Variants in RPL35A observed in about 807,000 individuals in gnomAD.
RPL35A encodes the protein ribosomal protein L35a.
In RPL35A, 1 loss-of-function variant was observed where a neutral mutation model predicts 16.7. That is an observed-to-expected ratio of 0.06 (90% CI 0.02 to 0.28). RPL35A has a LOEUF of 0.28. Among genes scored for constraint, RPL35A ranks in the 10% least tolerant of loss-of-function variants. The pLI is 1.00. For missense variants in RPL35A, 91 were observed against 138.7 expected (o/e 0.66, Z 1.73); for synonymous variants, 58 against 47.0 (o/e 1.23, Z -0.96).
intron 4 of RPL35A, 154 bp downstream of exon 4, chr3:197,954,301 ATTGAAAGAAT>A: frequency 1.3e-6 from 1 of 766,824 alleles, no homozygotes; most frequent in Non-Finnish European, 2.3e-6. Context: ...AGAGATAGTA[ATTGAAAGAAT>A]TAGGTGTTTG....
Position 197,951,178 on chromosome 3 carries a change from T to C in RPL35A, c.31T>C (p.Phe11Leu), listed in dbSNP as rs1720045334. Residue 11 changes from phenylalanine (F) to leucine (L), a missense_variant, in exon 3 of 5, where the codon TTT becomes CTT. By Grantham distance (22) the Phe-to-Leu change is conservative (BLOSUM62 0). Coordinates refer to ENST00000647248, the MANE Select transcript of RPL35A (RefSeq NM_000996.4). The stretch of plus-strand genomic sequence containing the variant: ...TCTTAGGCTGTGGTCCAAGGCCATT[T>C]TTGCTGGCTATAAGCGGGGTCTCCG... The part of the protein sequence containing the change: MSGRLWSKAI[F>L]AGYKRGLRNQ... 2 of 1,614,100 alleles carry C rather than the reference T, an allele frequency of 1.2e-6. No homozygotes were observed. The highest frequency in any genetic ancestry group is 1.7e-6 in the Non-Finnish European group (2 of 1,180,048).
Position 197,955,869 on chromosome 3 carries a change from T to G in RPL35A, c.*96T>G, listed in dbSNP as rs1302671492. The G allele has an allele frequency of 5.7e-6, 6 of 1,053,408 alleles. No homozygotes were observed. The Admixed American group carries it at 8.5e-5, about 15-fold the overall frequency. 65.3% of individuals were successfully genotyped at this position (1,053,408 alleles called of 1,614,324 possible). A position where few individuals can be genotyped will look rare whatever the true frequency, so the allele number is the denominator to read the frequency against. ...ACCTTAAATTGATTTGCTACATGCT[T>G]AAAATGATAGAGGTTGCTCAGCATT... On this transcript the variant is annotated 3_prime_UTR_variant, in exon 5 of 5. Coordinates refer to ENST00000647248, the MANE Select transcript of RPL35A (RefSeq NM_000996.4).
Position 197,956,609 on chromosome 3 carries a change from C to T in RPL35A, c.*836C>T, listed in dbSNP as rs1451935073. 1 of 147,142 alleles carries T rather than the reference C, an allele frequency of 6.8e-6. No homozygotes were observed. The highest frequency in any genetic ancestry group is 1.5e-5 in the Non-Finnish European group (1 of 67,060). The allele number at this position is 147,142 out of a possible 1,614,324, so 9.1% of individuals were successfully genotyped here. On this transcript the variant is annotated 3_prime_UTR_variant, in exon 5 of 5. Coordinates refer to ENST00000647248, the MANE Select transcript of RPL35A (RefSeq NM_000996.4). The stretch of plus-strand genomic sequence containing the variant: ...TGCTAAAATAAAACAACTAAGGCAT[C>T]AGTTTTGCTGTATGGTTTTTTTTTT...
intron 4 of RPL35A, 189 bp downstream of exon 4, chr3:197,954,336 G>GTTT: frequency 1.2e-5 from 7 of 560,070 alleles, no homozygotes; most frequent in East Asian, 3.3e-5. Flanking sequence ...TTTGTTTTTT[G>GTTT]TTTTTTTTTT....
chr3:197,950,783 G>A, intron 1 of RPL35A, 153 bp from the exon 2 acceptor site: 1 of 664,094 alleles, frequency 1.5e-6, no homozygotes, highest in Non-Finnish European at 2.6e-6. Flanking sequence ...GCCGGACCCT[G>A]CGTTTCATAT....
At chr3:197,953,981 T>C (rs376435514) in intron 3 of RPL35A, 22 bp from the exon 4 acceptor site, 35 of 1,611,800 alleles carry the variant, frequency 2.2e-5, no homozygotes, top group Non-Finnish European at 1.6e-5. Context: ...TGTATTCCTC[T>C]TCTTTCCCTT....
rs2109819657 is a variant in RPL35A, at chr3:197,955,991, CAG to C, written c.*221_*222del. On this transcript the variant is annotated 3_prime_UTR_variant, in exon 5 of 5. Transcript: ENST00000647248. Reference sequence around the variant, plus strand: ...CGGGTTTTAATGCGAGTATCTTTGACAGAGTCTTGCTCTGTTGCCCATGCTGG... The same window carrying C: ...CGGGTTTTAATGCGAGTATCTTTGACAGTCTTGCTCTGTTGCCCATGCTGG... 2 of 548,902 alleles carry C rather than the reference CAG, an allele frequency of 3.6e-6. No individual in the cohort carries two copies. The highest frequency in any genetic ancestry group is 2.9e-5 in the Admixed American group (1 of 34,350). 34.0% of individuals were successfully genotyped at this position (548,902 alleles called of 1,614,324 possible).
intron 3 of RPL35A, chr3:197,952,538 A>C (rs1426471894): frequency 6.6e-6 from 1 of 151,678 alleles, no homozygotes; most frequent in African/African-American, 2.4e-5. Context: ...CTTGTTATCC[A>C]GGCTAAAGTG....
intron 2 of RPL35A, 85 bp downstream of exon 2, chr3:197,951,063 G>C: frequency 1.2e-6 from 2 of 1,603,234 alleles, no homozygotes; most frequent in South Asian, 1.1e-5. Context: ...AAAAAACTTA[G>C]ATGTTTGCTC....
intron 4 of RPL35A, among the ~76,000 whole-genome samples, chr3:197,955,263 TTTTC>T (rs1720437666): frequency 6.6e-6 from 1 of 151,698 alleles, no homozygotes; most frequent in African/African-American, 2.4e-5. Context: ...CAGTACATGT[TTTTC>T]TTTTTCTTTT....
chr3:197,950,859 A>T, intron 1 of RPL35A, 77 bp from the exon 2 acceptor site: 1 of 1,359,634 alleles, frequency 7.4e-7, no homozygotes, highest in Non-Finnish European at 1.0e-6. Flanking sequence ...AATTTGCTTT[A>T]GGGGCTTAAA....
rs2109812216 is a variant in RPL35A, at chr3:197,953,464, G to A, written c.165-539G>A. 3 of 456,788 alleles carry A rather than the reference G, an allele frequency of 6.6e-6. 1 individual carries two copies. Among genetic ancestry groups the A allele is most frequent in the Middle Eastern group, 3.3e-4 (1 of 3,074 alleles). The allele number at this position is 456,788 out of a possible 1,614,324, so 28.3% of individuals were successfully genotyped here. A position where few individuals can be genotyped will look rare whatever the true frequency, so the allele number is the denominator to read the frequency against. ...ATTCAGTAAAAGCCCGTCATTAAGA[G>A]CTCCATAATTCTCTTTATCTCAGCT... is the stretch of plus-strand genomic sequence containing the variant. On this transcript the variant is annotated intron_variant, in intron 3 of 4. Transcript: ENST00000647248.
chr3:197,951,589 G>A, intron 3 of RPL35A: 2 of 421,800 alleles, frequency 4.7e-6, no homozygotes, highest in East Asian at 5.1e-5. Context: ...CTGACCTTAG[G>A]TGATCCGCCC....
intron 4 of RPL35A, among the ~76,000 whole-genome samples, chr3:197,954,758 T>C (rs1014337518): frequency 1.2e-4 from 19 of 152,202 alleles, no homozygotes; most frequent in Admixed American, 4.6e-4. Flanking sequence ...TCTGCCCACC[T>C]TGGCCTCCCA....
Position 197,954,150 on chromosome 3 carries a change from G to A in RPL35A, c.309+3G>A. 6.2e-7 allele frequency: 1 copy of A among 1,614,156 alleles called. No homozygotes were observed. The highest frequency in any genetic ancestry group is 8.5e-7 in the Non-Finnish European group (1 of 1,180,024). Reference sequence around the variant, plus strand: ...CCATTGGACACAGAATCCGAGTGGTGAGTATGGTTTTTAGCAAAATGGACG... The same window carrying A: ...CCATTGGACACAGAATCCGAGTGGTAAGTATGGTTTTTAGCAAAATGGACG... On this transcript the variant is annotated splice_donor_region_variant and intron_variant, in intron 4 of 4. Coordinates refer to ENST00000647248, the MANE Select transcript of RPL35A (RefSeq NM_000996.4).
Position 197,955,702 on chromosome 3 carries a change from C to T in RPL35A, c.310-48C>T, listed in dbSNP as rs115423111. The T allele has an allele frequency of 9.8e-4, 1,437 of 1,461,730 alleles. 7 individuals carry two copies. In the African/African-American group the frequency reaches 0.016, roughly 16 times the overall value. 90.5% of individuals were successfully genotyped at this position (1,461,730 alleles called of 1,614,324 possible). On this transcript the variant is annotated intron_variant, in intron 4 of 4. Transcript: ENST00000647248. ...CGTATTACGGTTCTTGATTTGTAGA[C>T]GTATATATAACATTCACCTAATGTT...
chr3:197,952,544 AAGTGCAATGGCACAATCTC>A (rs1256347897), intron 3 of RPL35A: 1 of 151,224 alleles, frequency 6.6e-6, no homozygotes, highest in Non-Finnish European at 1.5e-5. Flanking sequence ...ATCCAGGCTA[AAGTGCAATGGCACAATCTC>A]AGCTCACTGT....
intron 4 of RPL35A, chr3:197,954,568 G>A: frequency 3.5e-6 from 1 of 285,762 alleles, no homozygotes; most frequent in Non-Finnish European, 6.8e-6. Flanking sequence ...GGAGTGCAGT[G>A]GCATGATCTC....
chr3:197,951,765 C>G (rs1720111959), intron 3 of RPL35A: 1 of 180,990 alleles, frequency 5.5e-6, no homozygotes, highest in Non-Finnish European at 1.2e-5. Context: ...GTAGCGCGAT[C>G]TTGGCTCGCT....
Sources: allele counts gnomAD v4.1 joint callset (sites outside exome capture counted in the v4.1 genomes callset), GRCh38; gene constraint gnomAD v4.1.1; transcripts MANE v1.5; gene names NCBI Gene and HGNC (gene_info 2026-07-23, HGNC 2026-07-21).